Variants in RNF225 observed in about 807,000 individuals in gnomAD.
RNF225 encodes the protein ring finger protein 225.
For synonymous variants in RNF225, 295 were observed against 260.4 expected (o/e 1.13, Z -1.28); for missense variants, 510 against 509.8 (o/e 1.00, Z 0.00).
chr19:58,396,201 C>CAGGAGG lies in RNF225; in HGVS notation c.129_134dup (p.Glu44_Glu45dup), dbSNP rs747436338. 36 of 1,542,562 alleles carry CAGGAGG rather than the reference C, an allele frequency of 2.3e-5. No homozygotes were observed. Among genetic ancestry groups the CAGGAGG allele is most frequent in the Non-Finnish European group, 2.7e-5 (31 of 1,151,178 alleles). ...CCGCTCCCCAAGCAGAGGGGAAGACCAGGAGGAGGAGGAGGAGGAGGAAGG... is the reference window on the plus strand; with the variant it reads ...CCGCTCCCCAAGCAGAGGGGAAGACCAGGAGGAGGAGGAGGAGGAGGAGGAGGAAGG... On this transcript the variant is annotated inframe_insertion, in exon 1 of 1. Coordinates refer to ENST00000601382, the MANE Select transcript of RNF225 (RefSeq NM_001195135.2).
Position 58,396,281 on chromosome 19 carries a change from C to T in RNF225, c.192C>T (p.Cys64=), listed in dbSNP as rs1205388135. The T allele has an allele frequency of 1.3e-6, 2 of 1,536,006 alleles. No homozygotes were observed. The highest frequency in any genetic ancestry group is 1.7e-6 in the Non-Finnish European group (2 of 1,146,996). ...TGCCCCCCGCCTCCCCGGTGGAGTG[C>T]CTCATCTGCGTGTCGTCCTTCGACG... ...PILPPASPVE[C]LICVSSFDGV... Residue 64 remains cysteine, a synonymous_variant, in exon 1 of 1, where the codon TGC becomes TGT. Transcript: ENST00000601382.
chr19:58,396,083 C>A lies in RNF225; in HGVS notation c.-7C>A. 2 of 1,511,232 alleles carry A rather than the reference C, an allele frequency of 1.3e-6. No individual in the cohort carries two copies. The highest frequency in any genetic ancestry group is 1.8e-6 in the Non-Finnish European group (2 of 1,136,878). The allele number at this position is 1,511,232 out of a possible 1,614,324, so 93.6% of individuals were successfully genotyped here. ...GCCTGACCTCCTCTCCTCCCAGGTCCATCCGGATGCCCTGCCCTCGGCCGT... is the reference window on the plus strand; with the variant it reads ...GCCTGACCTCCTCTCCTCCCAGGTCAATCCGGATGCCCTGCCCTCGGCCGT... On this transcript the variant is annotated 5_prime_UTR_variant, in exon 1 of 1. Transcript: ENST00000601382.
Position 58,396,733 on chromosome 19 carries a change from C to A in RNF225, c.644C>A (p.Ser215Ter). Residue 215 changes from serine (S) to a stop codon, truncating the protein, a stop_gained, in exon 1 of 1, where the codon TCG (serine) becomes TAG (stop). Coordinates refer to ENST00000601382, the MANE Select transcript of RNF225 (RefSeq NM_001195135.2). LOFTEE classifies it low-confidence loss of function (END_TRUNC). ...AVLVAAGLVV[S>*]GVYIFFLIPH... is the part of the protein sequence containing the mutation. ...CTGGTGGCCGCGGGCCTCGTGGTCT[C>A]GGGCGTCTACATCTTCTTCCTCATC... is the stretch of plus-strand genomic sequence containing the variant. The A allele has an allele frequency of 6.6e-7, 1 of 1,506,398 alleles. No homozygotes were observed. The highest frequency in any genetic ancestry group is 1.2e-5 in the South Asian group (1 of 81,366). 93.3% of individuals were successfully genotyped at this position (1,506,398 alleles called of 1,614,324 possible).
chr19:58,395,798 C>G lies in RNF225; in HGVS notation c.-292C>G, dbSNP rs1000832213. The stretch of plus-strand genomic sequence containing the variant: ...TGGGTCAGGTCCTTTCCATCCCTGT[C>G]TGGGGTCCTCCCCATCTCCGTGTTC... On this transcript the variant is annotated 5_prime_UTR_variant, in exon 1 of 1. Coordinates refer to ENST00000601382, the MANE Select transcript of RNF225 (RefSeq NM_001195135.2). Among the ~76,000 whole-genome samples, 1 of 148,608 alleles carries G rather than the reference C, an allele frequency of 6.7e-6. No individual in the cohort carries two copies. Among genetic ancestry groups the G allele is most frequent in the African/African-American group, 2.6e-5 (1 of 38,140 alleles).
chr19:58,396,326 G>C lies in RNF225; in HGVS notation c.237G>C (p.Lys79Asn). The change falls in exon 1 of 1, where the codon AAG becomes AAC. Residue 79 changes from lysine to asparagine, a missense_variant. Lys to Asn is a moderately conservative substitution (Grantham distance 94, BLOSUM62 0). Transcript: ENST00000601382. ...TCGACGGCGTGTTCAAGCTGCCCAA[G>C]CGCCTGGACTGCGGCCACGTCTTCT... ...SSFDGVFKLP[K>N]RLDCGHVFCL... 6.5e-7 allele frequency: 1 copy of C among 1,535,732 alleles called. No individual in the cohort carries two copies. The highest frequency in any genetic ancestry group is 1.4e-5 in the African/African-American group (1 of 73,180).
rs1242778909 is a variant in RNF225, at chr19:58,396,917, A to G, written c.828A>G (p.Pro276=). ...GCCCTGACCTGGACACGGCCCTGCC[A>G]GGAACTGCAGAAGATGCGCTGGAGC... is the stretch of plus-strand genomic sequence containing the variant. ...PTGPDLDTAL[P]GTAEDALEPE... Residue 276 remains proline, a synonymous_variant, in exon 1 of 1, where the codon CCA becomes CCG. Coordinates refer to ENST00000601382, the MANE Select transcript of RNF225 (RefSeq NM_001195135.2). 2 of 1,533,878 alleles carry G rather than the reference A, an allele frequency of 1.3e-6. No homozygotes were observed. The highest frequency in any genetic ancestry group is 1.8e-4 in the Middle Eastern group (1 of 5,546).
chr19:58,396,608 G>A lies in RNF225; in HGVS notation c.519G>A (p.Pro173=). 3.4e-6 allele frequency: 4 copies of A among 1,180,718 alleles called. No homozygotes were observed. Among genetic ancestry groups the A allele is most frequent in the Non-Finnish European group, 4.2e-6 (4 of 956,816 alleles). 73.1% of individuals were successfully genotyped at this position (1,180,718 alleles called of 1,614,324 possible). Residue 173 remains proline, a synonymous_variant, in exon 1 of 1, where the codon CCG becomes CCA. Transcript: ENST00000601382. ...PPPGPRKARA[P]PPPPPLRLGR... is the part of the protein sequence containing the mutation. ...CCGGGCCGCGCAAGGCCCGCGCCCC[G>A]CCGCCCCCGCCGCCTCTGCGCCTGG...
rs141349331 is a variant in RNF225 at position 58,396,339 on chromosome 19, G to A, written c.250G>A (p.Gly84Ser). 35 of 1,535,496 alleles carry A rather than the reference G, an allele frequency of 2.3e-5. No individual in the cohort carries two copies. In the African/African-American group the frequency reaches 3.1e-4, roughly 14 times the overall value. The change falls in exon 1 of 1, where the codon GGC (glycine) becomes AGC (serine). Residue 84 changes from glycine to serine, a missense_variant. Transcript: ENST00000601382. ...CAAGCTGCCCAAGCGCCTGGACTGCGGCCACGTCTTCTGTCTCGAGTGCCT... is the reference window on the plus strand; with the variant it reads ...CAAGCTGCCCAAGCGCCTGGACTGCAGCCACGTCTTCTGTCTCGAGTGCCT... ...VFKLPKRLDC[G>S]HVFCLECLAR...
chr19:58,396,743 C>T lies in RNF225; in HGVS notation c.654C>T (p.Tyr218=). Residue 218 remains tyrosine (Y), a synonymous_variant, in exon 1 of 1, where the codon TAC becomes TAT. Coordinates refer to ENST00000601382, the MANE Select transcript of RNF225 (RefSeq NM_001195135.2). Reference sequence around the variant, plus strand: ...CGGGCCTCGTGGTCTCGGGCGTCTACATCTTCTTCCTCATCCCGCACGCCA... The same window carrying T: ...CGGGCCTCGTGGTCTCGGGCGTCTATATCTTCTTCCTCATCCCGCACGCCA... ...VAAGLVVSGV[Y]IFFLIPHATS... 6.6e-7 allele frequency: 1 copy of T among 1,509,978 alleles called. No individual in the cohort carries two copies. The highest frequency in any genetic ancestry group is 8.8e-7 in the Non-Finnish European group (1 of 1,136,640). The allele number at this position is 1,509,978 out of a possible 1,614,324, so 93.5% of individuals were successfully genotyped here.
rs1274391936 is a variant in RNF225, at chr19:58,396,600, C to T, written c.511C>T (p.Arg171Cys). Residue 171 changes from arginine (R) to cysteine (C), a missense_variant, in exon 1 of 1, where the codon CGC becomes TGC. Arg to Cys is a radical substitution (Grantham distance 180, BLOSUM62 -3). Coordinates refer to ENST00000601382, the MANE Select transcript of RNF225 (RefSeq NM_001195135.2). ...GCCCCCGCCCGGGCCGCGCAAGGCCCGCGCCCCGCCGCCCCCGCCGCCTCT... is the reference window on the plus strand; with the variant it reads ...GCCCCCGCCCGGGCCGCGCAAGGCCTGCGCCCCGCCGCCCCCGCCGCCTCT... ...PPPPPGPRKA[R>C]APPPPPPLRL... The T allele has an allele frequency of 7.0e-6, 8 of 1,136,418 alleles. No homozygotes were observed. The South Asian group carries it at 1.1e-4, about 16-fold the overall frequency. 70.4% of individuals were successfully genotyped at this position (1,136,418 alleles called of 1,614,324 possible).
rs1266417062 is a variant in RNF225 at position 58,395,758 on chromosome 19, ATC to A, written c.-328_-327del. ...TGTCATTACTCTGTGGGGGGTGCCT[ATC>A]TCTGCTCCTCTGTGGGTCAGGTCCT... On this transcript the variant is annotated 5_prime_UTR_variant, in exon 1 of 1. Transcript: ENST00000601382. Among the ~76,000 whole-genome samples the A allele has an allele frequency of 6.7e-6, 1 of 148,318 alleles. No individual in the cohort carries two copies. The highest frequency in any genetic ancestry group is 1.5e-5 in the Non-Finnish European group (1 of 67,930).
At position 58,395,924 on chromosome 19, in the gene RNF225, C is replaced by T. The variant is rs1450925256; in HGVS notation, c.-166C>T. Among the ~76,000 whole-genome samples, 1 of 152,296 alleles carries T rather than the reference C, an allele frequency of 6.6e-6. No homozygotes were observed. Among genetic ancestry groups the T allele is most frequent in the Admixed American group, 6.5e-5 (1 of 15,302 alleles). ...TCGGGCCTCCCCATCTCCCCTGCTC[C>T]TCGACGCTAGCTACACCCTTCTCGG... On this transcript the variant is annotated 5_prime_UTR_variant, in exon 1 of 1. Coordinates refer to ENST00000601382, the MANE Select transcript of RNF225 (RefSeq NM_001195135.2).
chr19:58,397,076 A>C lies in RNF225; in HGVS notation c.987A>C (p.Gln329His). The C allele has an allele frequency of 6.6e-7, 1 of 1,516,196 alleles. No individual in the cohort carries two copies. Among genetic ancestry groups the C allele is most frequent in the Non-Finnish European group, 8.8e-7 (1 of 1,139,332 alleles). The allele number at this position is 1,516,196 out of a possible 1,614,324, so 93.9% of individuals were successfully genotyped here. Residue 329 changes from glutamine to histidine, a missense_variant, in exon 1 of 1, where the codon CAA (glutamine) becomes CAC (histidine). Coordinates refer to ENST00000601382, the MANE Select transcript of RNF225 (RefSeq NM_001195135.2). ...PRGARRLWGS[Q>H] ...GCGCGAGGAGGCTGTGGGGCTCACA[A>C]TAAGTGCGCCAGTACTGCAGTCCTG...
chr19:58,396,901 T>C lies in RNF225; in HGVS notation c.812T>C (p.Leu271Pro). ...AWTPRPTGPDLDTALPGTAED... is the reference protein window; with the variant it reads ...AWTPRPTGPDPDTALPGTAED... ...ACGCCGCGCCCCACGGGCCCTGACC[T>C]GGACACGGCCCTGCCAGGAACTGCA... is the stretch of plus-strand genomic sequence containing the variant. The change falls in exon 1 of 1, where the codon CTG (leucine) becomes CCG (proline). Residue 271 changes from leucine to proline, a missense_variant. Transcript: ENST00000601382. 1 of 1,533,332 alleles carries C rather than the reference T, an allele frequency of 6.5e-7. No homozygotes were observed. Among genetic ancestry groups the C allele is most frequent in the Non-Finnish European group, 8.7e-7 (1 of 1,145,948 alleles). The allele number at this position is 1,533,332 out of a possible 1,614,324, so 95.0% of individuals were successfully genotyped here. A position where few individuals can be genotyped will look rare whatever the true frequency, so the allele number is the denominator to read the frequency against.
In RNF225 at chr19:58,395,768, C is replaced by T. The variant is rs1176476910; in HGVS notation, c.-322C>T. Among the ~76,000 whole-genome samples the T allele has an allele frequency of 1.3e-5, 2 of 152,116 alleles. No homozygotes were observed. Among genetic ancestry groups the T allele is most frequent in the Admixed American group, 6.5e-5 (1 of 15,272 alleles). ...CTGTGGGGGGTGCCTATCTCTGCTC[C>T]TCTGTGGGTCAGGTCCTTTCCATCC... On this transcript the variant is annotated 5_prime_UTR_variant, in exon 1 of 1. Coordinates refer to ENST00000601382, the MANE Select transcript of RNF225 (RefSeq NM_001195135.2).
At position 58,396,374 on chromosome 19, in the gene RNF225, A is replaced by G. The variant is rs2052398972; in HGVS notation, c.285A>G (p.Leu95=). The G allele has an allele frequency of 1.3e-6, 2 of 1,534,822 alleles. No homozygotes were observed. The highest frequency in any genetic ancestry group is 1.7e-6 in the Non-Finnish European group (2 of 1,146,436). ...HVFCLECLAR[L]SLATAGGGNA... ...TCTGTCTCGAGTGCCTGGCGCGCCT[A>G]TCGTTGGCCACGGCGGGCGGCGGCA... is the stretch of plus-strand genomic sequence containing the variant. Residue 95 remains leucine (L), a synonymous_variant, in exon 1 of 1, where the codon CTA becomes CTG. Coordinates refer to ENST00000601382, the MANE Select transcript of RNF225 (RefSeq NM_001195135.2).
Position 58,396,726 on chromosome 19 carries a change from G to C in RNF225, c.637G>C (p.Val213Leu). Residue 213 changes from valine (V) to leucine (L), a missense_variant, in exon 1 of 1, where the codon GTG (valine) becomes CTG (leucine). Val to Leu is a conservative substitution (Grantham distance 32). Coordinates refer to ENST00000601382, the MANE Select transcript of RNF225 (RefSeq NM_001195135.2). ...ALAVLVAAGL[V>L]VSGVYIFFLI... ...GGCGGTGCTGGTGGCCGCGGGCCTC[G>C]TGGTCTCGGGCGTCTACATCTTCTT... The C allele has an allele frequency of 2.7e-6, 4 of 1,502,738 alleles. No homozygotes were observed. Among genetic ancestry groups the C allele is most frequent in the Non-Finnish European group, 3.5e-6 (4 of 1,133,272 alleles). 93.1% of individuals were successfully genotyped at this position (1,502,738 alleles called of 1,614,324 possible).
rs554682614 is a variant in RNF225, at chr19:58,396,430, C to G, written c.341C>G (p.Pro114Arg). ...NAVACPVCRAPTRLAPRRGLP... is the reference protein window; with the variant it reads ...NAVACPVCRARTRLAPRRGLP... ...GTGGCCTGTCCGGTGTGCCGCGCGC[C>G]CACGCGCCTGGCCCCCCGCCGCGGA... Residue 114 changes from proline to arginine, a missense_variant, in exon 1 of 1, where the codon CCC becomes CGC. Physicochemically the swap from Pro to Arg is moderately radical, Grantham distance 103. Transcript: ENST00000601382. 15 of 1,481,720 alleles carry G rather than the reference C, an allele frequency of 1.0e-5. No homozygotes were observed. The highest frequency in any genetic ancestry group is 2.0e-4 in the Middle Eastern group (1 of 4,970). 91.8% of individuals were successfully genotyped at this position (1,481,720 alleles called of 1,614,324 possible). A position where few individuals can be genotyped will look rare whatever the true frequency, so the allele number is the denominator to read the frequency against.
Position 58,397,052 on chromosome 19 carries a change from C to A in RNF225, c.963C>A (p.Gly321=). The change falls in exon 1 of 1, where the codon GGC becomes GGA. Residue 321 remains glycine, a synonymous_variant. Transcript: ENST00000601382. ...CCGGCTGGGCCCCGTGGCCACGGGG[C>A]GCGAGGAGGCTGTGGGGCTCACAAT... ...AGPGWAPWPR[G]ARRLWGSQ 8 of 1,525,854 alleles carry A rather than the reference C, an allele frequency of 5.2e-6. No individual in the cohort carries two copies. Among genetic ancestry groups the A allele is most frequent in the Non-Finnish European group, 7.0e-6 (8 of 1,143,244 alleles). The allele number at this position is 1,525,854 out of a possible 1,614,324, so 94.5% of individuals were successfully genotyped here.
Sources: gnomAD v4.1 joint callset for allele counts (sites outside exome capture counted in the v4.1 genomes callset) on GRCh38, gnomAD v4.1.1 for gene constraint, MANE v1.5 for transcripts, NCBI Gene and HGNC (gene_info 2026-07-23, HGNC 2026-07-21) for gene names.